Variants in NDST4 observed in about 807,000 individuals in gnomAD.
The protein encoded by NDST4 is N-deacetylase and N-sulfotransferase 4, also known as N-heparan sulfate sulfotransferase 4.
In NDST4, 63 loss-of-function variants were observed where a neutral mutation model predicts 100.8. That is an observed-to-expected ratio of 0.62 (90% CI 0.51 to 0.77). The LOEUF is 0.77. Among genes scored for constraint, NDST4 ranks in the 30% least tolerant of loss-of-function variants. The pLI is 0.00. For missense variants in NDST4, 943 were observed against 1,018.4 expected, an observed-to-expected ratio of 0.93 and a Z score of 1.01; for synonymous variants, 377 against 361.8, an observed-to-expected ratio of 1.04 and a Z score of -0.48.
chr4:114,934,562 A>AT (rs1467925577), intron 6 of NDST4, among the ~76,000 whole-genome samples: 20 of 150,876 alleles, frequency 1.3e-4, no homozygotes, highest in African/African-American at 4.6e-4. Context: ...TCAAAAAAAA[A>AT]AAAATAAAAT....
chr4:114,948,647 C>G (rs1435456296), intron 4 of NDST4, among the ~76,000 whole-genome samples: 1 of 152,058 alleles, frequency 6.6e-6, no homozygotes. Context: ...CATCCCCAAA[C>G]AAGTTTACAG....
rs147175224 is a variant in NDST4 at position 115,029,735 on chromosome 4, G to C, written c.978+46324C>G. ...GAGTGATGTTTGGAGGCACAGTAAA[G>C]CAGGAGGATCCCAAACTTCCCTACT... On this transcript the variant is annotated intron_variant, in intron 2 of 13. Transcript: ENST00000264363. Among the ~76,000 whole-genome samples, 47 of 152,204 alleles carry C rather than the reference G, an allele frequency of 3.1e-4. No homozygotes were observed. The East Asian group carries it at 8.7e-3, about 28-fold the overall frequency.
At chr4:114,857,399 A>G (rs2126191082) in intron 7 of NDST4, among the ~76,000 whole-genome samples, 2 of 152,292 alleles carry the variant, frequency 1.3e-5, no homozygotes, top group Middle Eastern at 3.4e-3. Context: ...TGGGAATGGT[A>G]TATCTGGGAT....
chr4:114,891,621 T>C (rs1200981146), intron 6 of NDST4, among the ~76,000 whole-genome samples: 1 of 152,128 alleles, frequency 6.6e-6, no homozygotes, highest in Non-Finnish European at 1.5e-5. Context: ...AATATCTCTT[T>C]AGCTATACTG....
chr4:114,980,005 TA>T (rs1303326126), intron 2 of NDST4, among the ~76,000 whole-genome samples: 1 of 151,486 alleles, frequency 6.6e-6, no homozygotes, highest in Non-Finnish European at 1.5e-5. Context: ...TGATTCAAAC[TA>T]AAAAAAATCA....
At chr4:114,876,482 T>C (rs1578359340) in intron 6 of NDST4, among the ~76,000 whole-genome samples, 1 of 152,288 alleles carries the variant, frequency 6.6e-6, no homozygotes, top group South Asian at 2.1e-4. Flanking sequence ...ACAAGGGATA[T>C]TAAGAGTCAG....
chr4:114,917,051 A>G (rs1326647760), intron 6 of NDST4, among the ~76,000 whole-genome samples: 1 of 152,122 alleles, frequency 6.6e-6, no homozygotes, highest in East Asian at 1.9e-4. Flanking sequence ...GCAAATACCA[A>G]ACTTAATGGA....
chr4:114,846,041 T>A (rs759149737), intron 9 of NDST4, 44 bp from the exon 10 acceptor site: 3 of 1,427,796 alleles, frequency 2.1e-6, no homozygotes, highest in Admixed American at 3.9e-5. Flanking sequence ...AAATAATTTT[T>A]CTTGCCATAT....
intron 1 of NDST4, among the ~76,000 whole-genome samples, chr4:115,079,298 G>C (rs1410113286): frequency 6.6e-6 from 1 of 150,620 alleles, no homozygotes; most frequent in African/African-American, 2.5e-5. Context: ...GTTGCAGTGA[G>C]CTGAGATCAC....
At chr4:114,900,750 A>G (rs1008760790) in intron 6 of NDST4, among the ~76,000 whole-genome samples, 6 of 152,144 alleles carry the variant, frequency 3.9e-5, no homozygotes, top group African/African-American at 1.4e-4. Context: ...TATCCCCGTC[A>G]TTGTTATACA....
intron 7 of NDST4, among the ~76,000 whole-genome samples, 186 bp downstream of exon 7, chr4:114,870,582 A>G (rs10014745): frequency 0.27 from 40,568 of 151,986 alleles, 8,122 homozygotes; most frequent in African/African-American, 0.56. Context: ...AAAAGCAAGC[A>G]AAAAATGCAA....
intron 6 of NDST4, among the ~76,000 whole-genome samples, chr4:114,893,463 T>C (rs1321743149): frequency 1.3e-5 from 2 of 152,200 alleles, no homozygotes; most frequent in Non-Finnish European, 2.9e-5. Context: ...GGTTTCTCAT[T>C]GTGGTTTTGA....
chr4:114,997,447 G>A (rs2126254358), intron 2 of NDST4, among the ~76,000 whole-genome samples: 1 of 152,090 alleles, frequency 6.6e-6, no homozygotes, highest in Admixed American at 6.6e-5. Context: ...CCAGCTCTAA[G>A]GAGTATGAAA....
chr4:114,852,454 C>T (rs1723698244), intron 8 of NDST4, among the ~76,000 whole-genome samples: 1 of 152,050 alleles, frequency 6.6e-6, no homozygotes, highest in East Asian at 1.9e-4. Context: ...CACATAAGTT[C>T]AAAGTTGTCC....
At chr4:114,940,665 C>G (rs570346638) in intron 4 of NDST4, among the ~76,000 whole-genome samples, 2 of 152,264 alleles carry the variant, frequency 1.3e-5, no homozygotes, top group East Asian at 3.9e-4. Flanking sequence ...GGTCAGGTGA[C>G]AGCCTTTTGC....
intron 4 of NDST4, among the ~76,000 whole-genome samples, chr4:114,952,992 C>T (rs191502322): frequency 7.9e-4 from 119 of 151,526 alleles, no homozygotes; most frequent in African/African-American, 2.6e-3. Flanking sequence ...TTAAGAAAAC[C>T]GGGCACACAA....
At chr4:114,944,533 T>C (rs1725818572) in intron 4 of NDST4, among the ~76,000 whole-genome samples, 1 of 152,192 alleles carries the variant, frequency 6.6e-6, no homozygotes, top group Non-Finnish European at 1.5e-5. Context: ...TCTGCAATTG[T>C]CATTATCACC....
chr4:114,966,229 G>A (rs148631678), intron 4 of NDST4, among the ~76,000 whole-genome samples: 102 of 151,984 alleles, frequency 6.7e-4, no homozygotes, highest in African/African-American at 2.4e-3. Flanking sequence ...ATACATTGGT[G>A]CTCATGGATT....
intron 7 of NDST4, 74 bp from the exon 8 acceptor site, chr4:114,852,895 G>T: frequency 1.9e-6 from 2 of 1,053,968 alleles, no homozygotes; most frequent in Non-Finnish European, 2.8e-6. Context: ...TTGTTCAAAA[G>T]ATGGAATCAA....
Sources: allele counts gnomAD v4.1 joint callset (sites outside exome capture counted in the v4.1 genomes callset), GRCh38; gene constraint gnomAD v4.1.1; transcripts MANE v1.5; gene names NCBI Gene and HGNC (gene_info 2026-07-23, HGNC 2026-07-21).